Variants in INO80 observed in about 807,000 individuals in gnomAD.
INO80 encodes the protein chromatin-remodeling ATPase INO80.
Under a neutral mutation model 203.4 loss-of-function variants are expected in INO80, and 20 were observed. That is an observed-to-expected ratio of 0.10 (90% CI 0.07 to 0.14). INO80 has a LOEUF of 0.14. INO80 is among the 10% of genes least tolerant of loss of function. The probability of loss-of-function intolerance (pLI) is 1.00; values close to 1 mark genes in which losing one functional copy is unlikely to be tolerated. For missense variants in INO80, 1,419 were observed against 1,914.4 expected (o/e 0.74, Z 4.83); for synonymous variants, 726 against 685.2 (o/e 1.06, Z -0.93).
chr15:41,113,153 C>T (rs780905959), intron 1 of INO80, among the ~76,000 whole-genome samples: 1 of 152,096 alleles, frequency 6.6e-6, no homozygotes, highest in Non-Finnish European at 1.5e-5. Context: ...TGAGCTCAAA[C>T]GATCCGCCTG....
intron 19 of INO80, among the ~76,000 whole-genome samples, chr15:41,052,746 C>T (rs1455732782): frequency 2.0e-5 from 3 of 148,846 alleles, no homozygotes; most frequent in African/African-American, 7.4e-5. Flanking sequence ...ACTAAGAGGT[C>T]GGGCACAGTG....
chr15:41,058,558 T>TGC, intron 16 of INO80, 81 bp downstream of exon 16: 3 of 1,048,818 alleles, frequency 2.9e-6, no homozygotes, highest in South Asian at 3.0e-5. Context: ...AGTCTGTGTG[T>TGC]GTGTGTGTGT....
chr15:41,005,404 T>C, intron 28 of INO80, 189 bp downstream of exon 28: 1 of 507,756 alleles, frequency 2.0e-6, no homozygotes, highest in Non-Finnish European at 3.5e-6. Flanking sequence ...ATATTCTCTT[T>C]TTCTCTCCCA....
At chr15:41,000,104 G>T (rs1410297916) in intron 28 of INO80, among the ~76,000 whole-genome samples, 1 of 152,006 alleles carries the variant, frequency 6.6e-6, no homozygotes, top group East Asian at 1.9e-4. Context: ...CTCTTAAAAA[G>T]GATAAGTAAT....
At chr15:41,019,488 C>T (rs995211048) in intron 26 of INO80, 1 of 152,162 alleles carries the variant, frequency 6.6e-6, no homozygotes, top group African/African-American at 2.4e-5. Flanking sequence ...AAGAGATTCC[C>T]ACAACGCCAG....
chr15:41,084,277 T>G (rs942118482), intron 7 of INO80, among the ~76,000 whole-genome samples: 6 of 151,782 alleles, frequency 4.0e-5, no homozygotes, highest in Non-Finnish European at 8.8e-5. Context: ...AACATGTTAT[T>G]GGCTGGGCGT....
At chr15:41,114,563 G>C (rs1029713981) in intron 1 of INO80, among the ~76,000 whole-genome samples, 2 of 152,076 alleles carry the variant, frequency 1.3e-5, no homozygotes, top group African/African-American at 2.4e-5. Flanking sequence ...ACAAAAATTA[G>C]CCGGGTGTGG....
At chr15:41,088,239 G>A (rs779212644) in intron 5 of INO80, among the ~76,000 whole-genome samples, 5 of 151,562 alleles carry the variant, frequency 3.3e-5, no homozygotes, top group East Asian at 1.9e-4. Context: ...ACAAGCACAC[G>A]CCACCACACC....
intron 19 of INO80, among the ~76,000 whole-genome samples, chr15:41,051,740 G>A (rs1285872178): frequency 6.6e-6 from 1 of 152,090 alleles, no homozygotes; most frequent in African/African-American, 2.4e-5. Flanking sequence ...GGATCACGAA[G>A]TCAAGAGATC....
Position 40,984,298 on chromosome 15 carries a change from C to G in INO80, c.3976G>C (p.Val1326Leu), listed in dbSNP as rs748577491. The change falls in exon 33 of 36, where the codon GTG (valine) becomes CTG (leucine). Residue 1326 changes from valine (V) to leucine (L), a missense_variant. By Grantham distance (32) the Val-to-Leu change is conservative. This residue lies in a region of INO80 where 214 missense variants were observed against 248.9 expected (regional missense o/e 0.86). Coordinates refer to ENST00000648947, the MANE Select transcript of INO80 (RefSeq NM_017553.3). ...TCAGCCGAGGGAACAAATGGGATCA[C>G]CAGGTTCACACCCTCTTTTCTCCTT... ...GKRRKEGVNL[V>L]IPFVPSADNS... 2 of 1,614,012 alleles carry G rather than the reference C, an allele frequency of 1.2e-6. No individual in the cohort carries two copies. The highest frequency in any genetic ancestry group is 2.7e-5 in the African/African-American group (2 of 74,924).
At chr15:41,014,295 T>C (rs2925343) in intron 27 of INO80, among the ~76,000 whole-genome samples, 86,692 of 151,958 alleles carry the variant, frequency 0.57, 26,239 homozygotes, top group East Asian at 0.72. Context: ...ATCCTTAGCA[T>C]ACTGCTTTTT....
At chr15:41,077,805 C>A (rs148794189) in intron 9 of INO80, among the ~76,000 whole-genome samples, 217 of 152,266 alleles carry the variant, frequency 1.4e-3, no homozygotes, top group African/African-American at 5.0e-3. Context: ...CAGCGATCCT[C>A]CCGTCTCTGC....
intron 16 of INO80, among the ~76,000 whole-genome samples, chr15:41,057,312 C>A (rs2045003633): frequency 6.6e-6 from 1 of 151,490 alleles, no homozygotes; most frequent in Non-Finnish European, 1.5e-5. Flanking sequence ...AAAAATTAGC[C>A]CAGCATGGTG....
At chr15:41,018,942 A>G (rs1235294334) in intron 26 of INO80, 1 of 152,226 alleles carries the variant, frequency 6.6e-6, no homozygotes, top group East Asian at 1.9e-4. Context: ...AGGAGCTTAA[A>G]AAATGTTTAA....
chr15:41,087,521 C>G, intron 6 of INO80, 41 bp downstream of exon 6: 1 of 1,606,728 alleles, frequency 6.2e-7, no homozygotes. Context: ...AATTCTGAAA[C>G]TAAGAATGAA....
chr15:41,050,456 C>T (rs1196812415), intron 19 of INO80, among the ~76,000 whole-genome samples: 1 of 152,210 alleles, frequency 6.6e-6, no homozygotes, highest in Non-Finnish European at 1.5e-5. Context: ...GCAGCAATGG[C>T]ATATGTGATG....
chr15:41,080,203 A>G (rs1400564466), intron 8 of INO80, among the ~76,000 whole-genome samples: 1 of 152,224 alleles, frequency 6.6e-6, no homozygotes, highest in Admixed American at 6.5e-5. Flanking sequence ...GCACACATTA[A>G]TAACAGCTAT....
chr15:41,030,369 A>C (rs1344117793), intron 24 of INO80, among the ~76,000 whole-genome samples: 1 of 152,014 alleles, frequency 6.6e-6, no homozygotes, highest in East Asian at 1.9e-4. Flanking sequence ...ACATTCATTT[A>C]TTTTTATTTT....
intron 7 of INO80, among the ~76,000 whole-genome samples, chr15:41,082,302 A>G (rs1048668375): frequency 6.7e-6 from 1 of 149,554 alleles, no homozygotes. Context: ...AGTGGCTTAC[A>G]CCTGCAACCC....
Sources: allele counts gnomAD v4.1 joint callset (sites outside exome capture counted in the v4.1 genomes callset), GRCh38; gene constraint gnomAD v4.1.1; regional missense constraint gnomAD v4.1.1; transcripts MANE v1.5; gene names NCBI Gene and HGNC (gene_info 2026-07-23, HGNC 2026-07-21).